LRMDA: variants seen among roughly 807,000 people sequenced by gnomAD.
LRMDA encodes leucine rich melanocyte differentiation associated, also known as leucine-rich melanocyte differentiation-associated protein.
In LRMDA, 18 loss-of-function variants were observed where a neutral mutation model predicts 29.8. That is an observed-to-expected ratio of 0.60 (90% confidence interval 0.42 to 0.90). LRMDA has a LOEUF of 0.90. Ranked by LOEUF, LRMDA falls within the 40% of genes least tolerant of loss-of-function variation. LRMDA has a pLI of 0.00. For synonymous variants in LRMDA, 125 were observed against 109.4 expected, an observed-to-expected ratio of 1.14 and a Z score of -0.89; for missense variants, 273 against 273.9, an observed-to-expected ratio of 1.00 and a Z score of 0.02.
intron 2 of LRMDA, among the ~76,000 whole-genome samples, chr10:75,764,928 CGTGTGT>C (rs57422251): frequency 0.026 from 3,754 of 142,826 alleles, 52 homozygotes; most frequent in South Asian, 0.046. Context: ...GCAAGAGACA[CGTGTGT>C]GTGTGTGTGT....
intron 2 of LRMDA, among the ~76,000 whole-genome samples, chr10:75,693,580 C>G (rs1422128131): frequency 6.6e-6 from 1 of 152,172 alleles, no homozygotes; most frequent in Admixed American, 6.5e-5. Flanking sequence ...CTATCTACGA[C>G]AAGATTTGAT....
chr10:76,252,459 T>A (rs1260785226), intron 5 of LRMDA, among the ~76,000 whole-genome samples: 3 of 152,184 alleles, frequency 2.0e-5, no homozygotes, highest in Admixed American at 6.5e-5. Flanking sequence ...GCATCAACTC[T>A]TGGCTTGTCA....
chr10:76,336,515 A>T (rs1227603910), intron 6 of LRMDA, among the ~76,000 whole-genome samples: 1 of 152,178 alleles, frequency 6.6e-6, no homozygotes, highest in Non-Finnish European at 1.5e-5. Flanking sequence ...GTCCTCAGGG[A>T]TGCTAATGCA....
chr10:75,657,348 C>T (rs1798697707), intron 2 of LRMDA, among the ~76,000 whole-genome samples: 3 of 152,096 alleles, frequency 2.0e-5, no homozygotes, highest in Admixed American at 2.0e-4. Context: ...TGAGCTGATC[C>T]TCATAAGGCA....
At chr10:75,993,592 G>C (rs987543954) in intron 2 of LRMDA, among the ~76,000 whole-genome samples, 1 of 152,082 alleles carries the variant, frequency 6.6e-6, no homozygotes, top group African/African-American at 2.4e-5. Flanking sequence ...ACTTAGCCAG[G>C]CGTGATGGTG....
intron 2 of LRMDA, among the ~76,000 whole-genome samples, chr10:75,857,216 G>A (rs1243498417): frequency 6.6e-6 from 1 of 152,200 alleles, no homozygotes; most frequent in Non-Finnish European, 1.5e-5. Flanking sequence ...GGGCACATAG[G>A]TAGGTAGAGG....
At chr10:75,945,634 T>G (rs1286285628) in intron 2 of LRMDA, among the ~76,000 whole-genome samples, 1 of 152,238 alleles carries the variant, frequency 6.6e-6, no homozygotes, top group African/African-American at 2.4e-5. Flanking sequence ...GAGGGTTTGT[T>G]TAATATAAGC....
At chr10:75,623,755 A>C (rs1310553385) in intron 2 of LRMDA, among the ~76,000 whole-genome samples, 1 of 152,226 alleles carries the variant, frequency 6.6e-6, no homozygotes, top group African/African-American at 2.4e-5. Flanking sequence ...GCAGATTTGC[A>C]AATTTGTAAG....
At chr10:75,711,821 T>C (rs1444406258) in intron 2 of LRMDA, among the ~76,000 whole-genome samples, 1 of 152,118 alleles carries the variant, frequency 6.6e-6, no homozygotes, top group Non-Finnish European at 1.5e-5. Flanking sequence ...TTTAATAAGC[T>C]TTCCCCCACC....
At chr10:75,586,392 C>T (rs936000286) in intron 2 of LRMDA, among the ~76,000 whole-genome samples, 1 of 127,050 alleles carries the variant, frequency 7.9e-6, no homozygotes, top group Non-Finnish European at 1.6e-5. Context: ...GGATCTCACT[C>T]TGTCACCCAG....
intron 2 of LRMDA, among the ~76,000 whole-genome samples, chr10:75,545,806 T>G (rs1057423409): frequency 1.3e-5 from 2 of 152,184 alleles, no homozygotes. Flanking sequence ...GTCTAGAACT[T>G]AAATCTGGTT....
chr10:76,015,428 G>A (rs1589289829), intron 2 of LRMDA, among the ~76,000 whole-genome samples: 1 of 152,190 alleles, frequency 6.6e-6, no homozygotes, highest in Non-Finnish European at 1.5e-5. Context: ...CTGGCAGTTG[G>A]TTGGAGACCT....
intron 2 of LRMDA, among the ~76,000 whole-genome samples, chr10:75,760,073 AG>A (rs941039751): frequency 6.6e-6 from 1 of 152,218 alleles, no homozygotes; most frequent in African/African-American, 2.4e-5. Flanking sequence ...ATGTAGAACA[AG>A]GGGGAAAAGA....
intron 2 of LRMDA, among the ~76,000 whole-genome samples, chr10:75,965,224 G>A (rs1308377348): frequency 6.6e-6 from 1 of 152,106 alleles, no homozygotes; most frequent in Non-Finnish European, 1.5e-5. Context: ...GAAGTATTTG[G>A]CACCTGGTAC....
intron 2 of LRMDA, among the ~76,000 whole-genome samples, chr10:75,770,692 A>G (rs1181712207): frequency 6.6e-6 from 1 of 152,200 alleles, no homozygotes; most frequent in Non-Finnish European, 1.5e-5. Flanking sequence ...GGGCAAGAGA[A>G]TGATGGATGG....
intron 5 of LRMDA, among the ~76,000 whole-genome samples, chr10:76,240,475 T>TA (rs1852253211): frequency 5.4e-5 from 8 of 148,336 alleles, no homozygotes; most frequent in African/African-American, 2.0e-4. Flanking sequence ...ATATGTTATA[T>TA]TTATATATGT....
rs142878585 is a variant in LRMDA at position 76,087,042 on chromosome 10, T to C, written c.516+28259T>C. On this transcript the variant is annotated intron_variant, in intron 5 of 6. Coordinates refer to ENST00000611255, the MANE Select transcript of LRMDA (RefSeq NM_001305581.2). The stretch of plus-strand genomic sequence containing the variant: ...ACTGAGGAGATATACCAAAGGCCAA[T>C]TATATGGAGTGTTTTCTTGGAAAAT... Among the ~76,000 whole-genome samples, 15 of 152,220 alleles carry C rather than the reference T, an allele frequency of 9.9e-5. No individual in the cohort carries two copies. In the East Asian group the frequency reaches 2.9e-3, roughly 29 times the overall value.
At chr10:76,470,486 G>A (rs1209804603) in intron 6 of LRMDA, 5 of 152,144 alleles carry the variant, frequency 3.3e-5, no homozygotes, top group South Asian at 2.1e-4. Flanking sequence ...ACAAAAGGTA[G>A]AAACAACCCA....
chr10:76,035,514 A>G (rs754986454), intron 2 of LRMDA, among the ~76,000 whole-genome samples: 35 of 152,204 alleles, frequency 2.3e-4, no homozygotes, highest in Non-Finnish European at 4.0e-4. Flanking sequence ...GCGACTGTAC[A>G]GAGAACTGCT....
Sources: gnomAD v4.1 joint callset for allele counts (sites outside exome capture counted in the v4.1 genomes callset) on GRCh38, gnomAD v4.1.1 for gene constraint, MANE v1.5 for transcripts, NCBI Gene and HGNC (gene_info 2026-07-23, HGNC 2026-07-21) for gene names.